SGCZ: variants seen among roughly 807,000 people sequenced by gnomAD.
The protein encoded by SGCZ is sarcoglycan zeta.
A neutral mutation model predicts 41.3 loss-of-function variants in SGCZ; 40 were observed. The ratio of observed to expected loss-of-function variants is 0.97; its 90% confidence interval spans 0.75 to 1.26. The LOEUF (loss-of-function observed/expected upper bound fraction) is 1.26. Ranked by LOEUF, SGCZ falls within the 50% of genes most tolerant of loss-of-function variation. The probability of loss-of-function intolerance (pLI) is 0.00; values close to 1 mark genes in which losing one functional copy is unlikely to be tolerated. For synonymous variants in SGCZ, 206 were observed against 137.5 expected, an observed-to-expected ratio of 1.50 and a Z score of -3.49; for missense variants, 552 against 369.8, an observed-to-expected ratio of 1.49 and a Z score of -4.04.
chr8:14,700,521 C>G (rs1392195427), intron 1 of SGCZ, among the ~76,000 whole-genome samples: 1 of 151,768 alleles, frequency 6.6e-6, no homozygotes, highest in Non-Finnish European at 1.5e-5. Flanking sequence ...TGCTCACTAC[C>G]TGGGTGATGG....
chr8:14,239,034 T>A (rs1485076062), intron 3 of SGCZ, among the ~76,000 whole-genome samples: 1 of 150,970 alleles, frequency 6.6e-6, no homozygotes, highest in Non-Finnish European at 1.5e-5. Flanking sequence ...AAAGTCTAGT[T>A]TTTTTTTCCA....
At chr8:15,222,343 T>G (rs1191835766) in intron 1 of SGCZ, among the ~76,000 whole-genome samples, 1 of 152,042 alleles carries the variant, frequency 6.6e-6, no homozygotes, top group Non-Finnish European at 1.5e-5. Context: ...GTAGCCCAAC[T>G]CAAGAAGTTA....
chr8:14,778,351 G>A (rs559573551), intron 1 of SGCZ, among the ~76,000 whole-genome samples: 13 of 152,226 alleles, frequency 8.5e-5, no homozygotes, highest in African/African-American at 3.1e-4. Flanking sequence ...GTCACTTGAG[G>A]ACCTAAATGA....
intron 1 of SGCZ, among the ~76,000 whole-genome samples, chr8:14,688,676 G>A (rs929527540): frequency 2.6e-5 from 4 of 152,006 alleles, no homozygotes; most frequent in Non-Finnish European, 5.9e-5. Flanking sequence ...TTGGCAATGC[G>A]GGCTCTTTTT....
chr8:14,193,629 A>G (rs190185464), intron 4 of SGCZ, among the ~76,000 whole-genome samples: 1 of 152,212 alleles, frequency 6.6e-6, no homozygotes, highest in East Asian at 1.9e-4. Flanking sequence ...TGTGGCCATG[A>G]AAACTTTCCA....
At chr8:14,992,510 T>G (rs1183235196) in intron 1 of SGCZ, among the ~76,000 whole-genome samples, 3 of 148,154 alleles carry the variant, frequency 2.0e-5, no homozygotes, top group African/African-American at 7.6e-5. Flanking sequence ...CCTTGCTATT[T>G]ACCTCTCACC....
At chr8:14,187,889 C>G (rs1804957229) in intron 4 of SGCZ, among the ~76,000 whole-genome samples, 1 of 151,886 alleles carries the variant, frequency 6.6e-6, no homozygotes, top group African/African-American at 2.4e-5. Context: ...ATGGATGCAT[C>G]ATAATAAAAA....
chr8:15,129,178 T>C (rs138698304), intron 1 of SGCZ, among the ~76,000 whole-genome samples: 101 of 152,324 alleles, frequency 6.6e-4, no homozygotes, highest in African/African-American at 2.2e-3. Context: ...TCTGTCTGCA[T>C]AACTGAAGTG....
intron 1 of SGCZ, among the ~76,000 whole-genome samples, chr8:14,621,260 G>C (rs1311691438): frequency 1.4e-5 from 2 of 138,844 alleles, no homozygotes; most frequent in Non-Finnish European, 3.0e-5. Context: ...ACACAGGAAG[G>C]GGAACATCAC....
chr8:14,309,373 C>T, intron 3 of SGCZ: 22 of 1,604,884 alleles, frequency 1.4e-5, no homozygotes, highest in Non-Finnish European at 1.9e-5. Flanking sequence ...TTACATTGAA[C>T]AGTCAGCAGA....
chr8:15,196,369 G>T (rs1428329242), intron 1 of SGCZ, among the ~76,000 whole-genome samples: 2 of 152,110 alleles, frequency 1.3e-5, no homozygotes, highest in African/African-American at 4.8e-5. Flanking sequence ...GCTCCCAAAT[G>T]AAAACACCCC....
At chr8:15,200,291 C>A (rs1425755879) in intron 1 of SGCZ, among the ~76,000 whole-genome samples, 4 of 152,182 alleles carry the variant, frequency 2.6e-5, no homozygotes, top group African/African-American at 9.7e-5. Flanking sequence ...ATACTTGGAT[C>A]TAAACATTTG....
chr8:14,730,259 T>C (rs904779079), intron 1 of SGCZ, among the ~76,000 whole-genome samples: 3 of 152,274 alleles, frequency 2.0e-5, no homozygotes, highest in South Asian at 2.1e-4. Flanking sequence ...TAATATATTA[T>C]TGCTTATTCA....
chr8:14,965,323 A>C (rs1801098172), intron 1 of SGCZ, among the ~76,000 whole-genome samples: 1 of 152,114 alleles, frequency 6.6e-6, no homozygotes, highest in African/African-American at 2.4e-5. Flanking sequence ...TCCTAGAGTG[A>C]AGTTTCCAGA....
At chr8:14,903,521 T>C (rs999461537) in intron 1 of SGCZ, among the ~76,000 whole-genome samples, 1 of 152,108 alleles carries the variant, frequency 6.6e-6, no homozygotes, top group East Asian at 1.9e-4. Flanking sequence ...TTTGAGTCTA[T>C]TTATTGAAGA....
At chr8:14,709,827 G>A (rs1178687535) in intron 1 of SGCZ, among the ~76,000 whole-genome samples, 1 of 152,074 alleles carries the variant, frequency 6.6e-6, no homozygotes, top group Non-Finnish European at 1.5e-5. Context: ...CTTACTATGT[G>A]AGGAATTTTA....
intron 4 of SGCZ, 78 bp downstream of exon 4, chr8:14,237,514 C>G: frequency 7.6e-7 from 1 of 1,311,378 alleles, no homozygotes; most frequent in Non-Finnish European, 1.1e-6. Context: ...ACAACGACAA[C>G]AACAAGAACC....
intron 1 of SGCZ, among the ~76,000 whole-genome samples, chr8:14,674,209 T>A (rs1360891310): frequency 6.6e-6 from 1 of 152,134 alleles, no homozygotes; most frequent in African/African-American, 2.4e-5. Context: ...TTTTCTTGTT[T>A]TTTTTTCTAA....
chr8:14,145,702 T>C (rs1352997680), intron 5 of SGCZ, among the ~76,000 whole-genome samples: 2 of 152,066 alleles, frequency 1.3e-5, no homozygotes, highest in Non-Finnish European at 2.9e-5. Context: ...AAATTCAAGA[T>C]AACACAGATA....
Sources: allele counts gnomAD v4.1 joint callset (sites outside exome capture counted in the v4.1 genomes callset), GRCh38; gene constraint gnomAD v4.1.1; transcripts MANE v1.5; gene names NCBI Gene and HGNC (gene_info 2026-07-23, HGNC 2026-07-21).